Variants in LY75 observed in about 807,000 individuals in gnomAD.
LY75 encodes the protein C-type lectin domain family 13 member B.
A neutral mutation model predicts 231.7 loss-of-function variants in LY75; 185 were observed. The ratio of observed to expected loss-of-function variants is 0.80; its 90% CI spans 0.71 to 0.90. The LOEUF is 0.90. Ranked by LOEUF, LY75 falls within the 40% of genes least tolerant of loss-of-function variation. LY75 has a pLI of 0.00. For synonymous variants in LY75, 668 were observed against 689.0 expected (o/e 0.97, Z 0.48); for missense variants, 1,947 against 2,050.2 (o/e 0.95, Z 0.97).
At position 159,815,125 on chromosome 2, in the gene LY75, T is replaced by G. The variant is rs375009319; in HGVS notation, c.4549+280A>C. On this transcript the variant is annotated intron_variant, in intron 31 of 34. Transcript: ENST00000263636. ...ACGCCATTCTCCCGCCTCAGCCTCC[T>G]GACTAGCTGGGACTACAGGCGCCCG... Among the ~76,000 whole-genome samples the G allele has an allele frequency of 3.3e-5, 5 of 151,784 alleles. No homozygotes were observed. In the East Asian group the frequency reaches 9.7e-4, roughly 29 times the overall value.
chr2:159,840,439 G>C (rs767127702), intron 25 of LY75, among the ~76,000 whole-genome samples: 1 of 152,110 alleles, frequency 6.6e-6, no homozygotes, highest in Non-Finnish European at 1.5e-5. Context: ...AGGTATGGTG[G>C]TGTGTAACTG....
At chr2:159,813,693 A>G (rs896429972) in intron 31 of LY75, among the ~76,000 whole-genome samples, 5 of 152,146 alleles carry the variant, frequency 3.3e-5, no homozygotes, top group African/African-American at 7.2e-5. Flanking sequence ...CCATTATCCA[A>G]TATGTCCTCA....
chr2:159,867,343 G>T (rs1028182081), intron 13 of LY75, among the ~76,000 whole-genome samples: 4 of 152,136 alleles, frequency 2.6e-5, no homozygotes, highest in African/African-American at 9.7e-5. Flanking sequence ...GCCTAGTTTA[G>T]CTGTAGGCAG....
At chr2:159,892,181 T>A (rs1041219098) in intron 3 of LY75, among the ~76,000 whole-genome samples, 1 of 152,172 alleles carries the variant, frequency 6.6e-6, no homozygotes, top group African/African-American at 2.4e-5. Context: ...CTCCATGTGA[T>A]TCTGTTGCAC....
intron 31 of LY75, among the ~76,000 whole-genome samples, chr2:159,813,088 T>A (rs1683011589): frequency 6.6e-6 from 1 of 152,244 alleles, no homozygotes; most frequent in African/African-American, 2.4e-5. Context: ...GTTGCTTTCA[T>A]CTTTTGGCTA....
At position 159,817,016 on chromosome 2, in the gene LY75, TTC is replaced by T; in HGVS notation, c.4168_4169del (p.Glu1390IlefsTer2). 4 of 1,609,176 alleles carry T rather than the reference TTC, an allele frequency of 2.5e-6. No homozygotes were observed. Among genetic ancestry groups the T allele is most frequent in the Non-Finnish European group, 3.4e-6 (4 of 1,177,604 alleles). On this transcript the variant is annotated frameshift_variant, in exon 30 of 35. Coordinates refer to ENST00000263636, the MANE Select transcript of LY75 (RefSeq NM_002349.4). LOFTEE classifies it high-confidence loss of function. ...CKIEMVDYKE[E>X]YNTTLPQFMP... ...TAAACTGTGGCAGTGTAGTATTATA[TTC>T]TTCTTTGTAGTCAACTATAATAATT...
intron 11 of LY75, among the ~76,000 whole-genome samples, chr2:159,877,028 A>AAAAAAAAAG (rs1553810533): frequency 5.1e-5 from 6 of 117,142 alleles, no homozygotes; most frequent in South Asian, 4.0e-4. Flanking sequence ...AAAAAAAAAA[A>AAAAAAAAAG]AAAAAAGAAA....
intron 1 of LY75, among the ~76,000 whole-genome samples, chr2:159,903,830 G>A (rs1560109555): frequency 6.6e-6 from 1 of 152,168 alleles, no homozygotes; most frequent in Non-Finnish European, 1.5e-5. Context: ...GTGGTGTGGT[G>A]GGGCTGGCAC....
intron 32 of LY75, among the ~76,000 whole-genome samples, chr2:159,809,117 C>T (rs1417519986): frequency 4.6e-5 from 7 of 152,110 alleles, no homozygotes; most frequent in Admixed American, 3.9e-4. Flanking sequence ...CAAAAGTTCC[C>T]GGTAACTACA....
intron 31 of LY75, among the ~76,000 whole-genome samples, chr2:159,811,935 C>T (rs1682972771): frequency 6.6e-6 from 1 of 152,208 alleles, no homozygotes; most frequent in Non-Finnish European, 1.5e-5. Flanking sequence ...CTTCTCACAA[C>T]TCCTCATCAA....
chr2:159,869,301 TA>T lies in LY75; in HGVS notation c.2117+3149del, dbSNP rs199535337. On this transcript the variant is annotated intron_variant, in intron 13 of 34. Coordinates refer to ENST00000263636, the MANE Select transcript of LY75 (RefSeq NM_002349.4). The stretch of plus-strand genomic sequence containing the variant: ...TACCCTAGAACTTAAAGTATAATAA[TA>T]AAAAAAAAAAAGAAAAAGAAAGGCC... Among the ~76,000 whole-genome samples the T allele has an allele frequency of 4.0e-3, 522 of 129,604 alleles. 1 individual carries two copies. Among genetic ancestry groups the T allele is most frequent in the African/African-American group, 0.011 (384 of 35,398 alleles). 85.0% of individuals were successfully genotyped at this position (129,604 alleles called of 152,430 possible).
chr2:159,890,162 T>G (rs536848107), intron 4 of LY75, 51 bp downstream of exon 4: 2 of 1,576,952 alleles, frequency 1.3e-6, no homozygotes, highest in Non-Finnish European at 1.7e-6. Context: ...GAAGAAGAAG[T>G]ACCTTTACAA....
intron 16 of LY75, 111 bp from the exon 17 acceptor site, chr2:159,855,050 TC>T (rs1328403906): frequency 1.5e-6 from 2 of 1,367,736 alleles, no homozygotes; most frequent in Non-Finnish European, 2.0e-6. Context: ...TTGAGTCTTG[TC>T]CATTTCTGGC....
In LY75 at chr2:159,881,773, A is replaced by T. The variant is rs115225088; in HGVS notation, c.1246+351T>A. 5.3e-3 allele frequency among the ~76,000 whole-genome samples: 803 copies of T among 152,352 alleles called. 10 individuals are homozygous for T. The highest frequency in any genetic ancestry group is 0.019 in the African/African-American group (778 of 41,592). ...TAATTATCACTTAAGTTTTTTGAGC[A>T]ACTTAAATAGAATTTAGCTCATGAG... On this transcript the variant is annotated intron_variant, in intron 7 of 34. Transcript: ENST00000263636.
rs747719859 is a variant in LY75 at position 159,890,290 on chromosome 2, T to A, written c.725A>T (p.Glu242Val). 3 of 1,613,458 alleles carry A rather than the reference T, an allele frequency of 1.9e-6. No homozygotes were observed. The highest frequency in any genetic ancestry group is 1.7e-6 in the Non-Finnish European group (2 of 1,179,724). The stretch of plus-strand genomic sequence containing the variant: ...TTGATTCTGACATGAAACATAAGCT[T>A]CTTTCCAAGAAAGAGCCGTCTGAGT... The part of the protein sequence containing the change: ...FNTQTALSWK[E>V]AYVSCQNQGA... Residue 242 changes from glutamate (E) to valine (V), a missense_variant, in exon 4 of 35, where the codon GAA (glutamate) becomes GTA (valine). Coordinates refer to ENST00000263636, the MANE Select transcript of LY75 (RefSeq NM_002349.4).
intron 26 of LY75, 59 bp from the exon 27 acceptor site, chr2:159,834,270 T>G (rs1016258370): frequency 2.4e-5 from 39 of 1,599,160 alleles, no homozygotes; most frequent in Admixed American, 5.1e-5. Context: ...AAATCCTGTT[T>G]GCAGTCATTA....
intron 31 of LY75, among the ~76,000 whole-genome samples, chr2:159,814,704 AGAAAG>A (rs1210859685): frequency 6.6e-6 from 1 of 151,286 alleles, no homozygotes; most frequent in Non-Finnish European, 1.5e-5. Context: ...AGAAAAGAAA[AGAAAG>A]GAAAAGAAAA....
chr2:159,854,644 CCT>C lies in LY75; in HGVS notation c.2420-111_2420-110del, dbSNP rs1684496808. 1.0e-5 allele frequency: 14 copies of C among 1,342,864 alleles called. No individual in the cohort carries two copies. The East Asian group carries it at 3.5e-4, about 34-fold the overall frequency. 83.2% of individuals were successfully genotyped at this position (1,342,864 alleles called of 1,614,324 possible). A position where few individuals can be genotyped will look rare whatever the true frequency, so the allele number is the denominator to read the frequency against. ...ATAAATAGTAATTCAGATTACCGGC[CCT>C]CTCTGGCTGGGGCAGTACTGACTAC... is the stretch of plus-strand genomic sequence containing the variant. On this transcript the variant is annotated intron_variant, in intron 17 of 34. Transcript: ENST00000263636.
chr2:159,876,088 G>C (rs1421009563), intron 11 of LY75, among the ~76,000 whole-genome samples: 2 of 152,146 alleles, frequency 1.3e-5, no homozygotes, highest in East Asian at 3.8e-4. Flanking sequence ...CCCAGATTCT[G>C]ATCCAAAGGA....
Sources: gnomAD v4.1 joint callset for allele counts (sites outside exome capture counted in the v4.1 genomes callset) on GRCh38, gnomAD v4.1.1 for gene constraint, MANE v1.5 for transcripts, NCBI Gene and HGNC (gene_info 2026-07-23, HGNC 2026-07-21) for gene names.